RSRC1: variants seen among roughly 807,000 people sequenced by gnomAD.
The protein encoded by RSRC1 is arginine and serine rich coiled-coil 1.
Under a neutral mutation model 49.1 loss-of-function variants are expected in RSRC1, and 39 were observed. That is an observed-to-expected ratio of 0.79 (90% CI 0.61 to 1.04). RSRC1 has a LOEUF of 1.04. RSRC1 is among the 50% of genes least tolerant of loss of function. The probability of loss-of-function intolerance (pLI) is 0.00; values close to 1 mark genes in which losing one functional copy is unlikely to be tolerated. For missense variants in RSRC1, 388 were observed against 402.4 expected (o/e 0.96, Z 0.31); for synonymous variants, 143 against 130.8 (o/e 1.09, Z -0.63).
At chr3:158,114,522 T>C (rs1640069938) in intron 1 of RSRC1, among the ~76,000 whole-genome samples, 1 of 152,188 alleles carries the variant, frequency 6.6e-6, no homozygotes, top group South Asian at 2.1e-4. Flanking sequence ...AGTTTTTTTT[T>C]CTGATTCTGT....
intron 4 of RSRC1, among the ~76,000 whole-genome samples, chr3:158,232,595 G>A (rs189804919): frequency 3.7e-4 from 56 of 152,240 alleles, no homozygotes; most frequent in African/African-American, 1.3e-3. Context: ...CTAGAGATAC[G>A]TAGAAGTGAA....
intron 4 of RSRC1, chr3:158,276,297 G>A: frequency 1.3e-6 from 1 of 762,166 alleles, no homozygotes; most frequent in Non-Finnish European, 2.4e-6. Context: ...AGGCCAGATG[G>A]GGTGGGGAGC....
At chr3:158,211,887 C>T (rs187144391) in intron 4 of RSRC1, among the ~76,000 whole-genome samples, 193 of 151,978 alleles carry the variant, frequency 1.3e-3, no homozygotes, top group African/African-American at 4.5e-3. Flanking sequence ...AGTTTCTCAA[C>T]TATCATTCTT....
At chr3:158,271,395 A>G (rs1725509656) in intron 4 of RSRC1, among the ~76,000 whole-genome samples, 2 of 152,104 alleles carry the variant, frequency 1.3e-5, no homozygotes, top group African/African-American at 4.8e-5. Context: ...GTTCTTATAA[A>G]TTTACACTGA....
chr3:158,452,328 A>G (rs576147547), intron 6 of RSRC1, among the ~76,000 whole-genome samples: 29 of 152,310 alleles, frequency 1.9e-4, no homozygotes, highest in African/African-American at 7.0e-4. Context: ...AAATTATTGG[A>G]AAATAGTACT....
At chr3:158,537,258 A>G in intron 8 of RSRC1, 60 bp downstream of exon 8, 1 of 972,130 alleles carries the variant, frequency 1.0e-6, no homozygotes, top group Non-Finnish European at 1.5e-6. Context: ...GAGATGCTTT[A>G]TTAATGGATT....
chr3:158,147,948 A>G (rs1257727559), intron 3 of RSRC1, among the ~76,000 whole-genome samples: 1 of 152,196 alleles, frequency 6.6e-6, no homozygotes, highest in Non-Finnish European at 1.5e-5. Context: ...TAAAAATGTT[A>G]TAGTTGTGTC....
intron 4 of RSRC1, among the ~76,000 whole-genome samples, chr3:158,270,412 A>C (rs1019792494): frequency 6.6e-6 from 1 of 152,152 alleles, no homozygotes; most frequent in African/African-American, 2.4e-5. Flanking sequence ...ACTGATTCAC[A>C]ATACTAAGCT....
intron 4 of RSRC1, among the ~76,000 whole-genome samples, chr3:158,252,296 G>A (rs992286059): frequency 6.6e-6 from 1 of 151,660 alleles, no homozygotes; most frequent in African/African-American, 2.4e-5. Flanking sequence ...CAAGTAGCTG[G>A]GACTACAGGC....
At chr3:158,262,688 C>T (rs1197319530) in intron 4 of RSRC1, among the ~76,000 whole-genome samples, 1 of 151,968 alleles carries the variant, frequency 6.6e-6, no homozygotes, top group Non-Finnish European at 1.5e-5. Context: ...TCTTTTAGCG[C>T]AGTAACAAGG....
intron 4 of RSRC1, among the ~76,000 whole-genome samples, chr3:158,233,960 C>T (rs1311710539): frequency 6.6e-6 from 1 of 152,100 alleles, no homozygotes; most frequent in East Asian, 1.9e-4. Flanking sequence ...TCTGCAAAGG[C>T]TGAATAAGTG....
chr3:158,158,420 T>G (rs1210985645), intron 3 of RSRC1, among the ~76,000 whole-genome samples: 1 of 152,216 alleles, frequency 6.6e-6, no homozygotes, highest in Non-Finnish European at 1.5e-5. Flanking sequence ...ATATTATAAT[T>G]ATATATTTTT....
chr3:158,138,883 T>C (rs968942881), intron 3 of RSRC1, among the ~76,000 whole-genome samples: 3 of 152,158 alleles, frequency 2.0e-5, no homozygotes, highest in African/African-American at 7.2e-5. Flanking sequence ...TAAACTGTTG[T>C]GTGTTTTATG....
At chr3:158,252,254 C>T (rs912955107) in intron 4 of RSRC1, among the ~76,000 whole-genome samples, 26 of 151,984 alleles carry the variant, frequency 1.7e-4, no homozygotes, top group Middle Eastern at 3.4e-3. Context: ...CTCCACCTCC[C>T]GGGTTCACGC....
At chr3:158,414,219 C>A (rs538588459) in intron 6 of RSRC1, among the ~76,000 whole-genome samples, 1 of 152,180 alleles carries the variant, frequency 6.6e-6, no homozygotes, top group East Asian at 1.9e-4. Flanking sequence ...ACTATGCAGT[C>A]ATAAAAAGGA....
rs118168668 is a variant in RSRC1 at position 158,298,258 on chromosome 3, T to A, written c.531+183T>A. On this transcript the variant is annotated intron_variant, in intron 5 of 9. Transcript: ENST00000611884. ...TTTCTCTTATCATTTCAAGGGAATT[T>A]AAAAATTTTTTAAATTACTTTTTTT... Among the ~76,000 whole-genome samples, 62 of 152,192 alleles carry A rather than the reference T, an allele frequency of 4.1e-4. No homozygotes were observed. In the East Asian group the frequency reaches 0.011, roughly 28 times the overall value.
At chr3:158,387,285 G>A (rs1348407604) in intron 6 of RSRC1, among the ~76,000 whole-genome samples, 1 of 151,968 alleles carries the variant, frequency 6.6e-6, no homozygotes, top group Non-Finnish European at 1.5e-5. Context: ...ATCTCCCTTT[G>A]GGATTTATCT....
rs1725829885 is a variant in RSRC1 at position 158,276,551 on chromosome 3, T to C, written c.495-21488T>C. On this transcript the variant is annotated intron_variant, in intron 4 of 9. Coordinates refer to ENST00000611884, the MANE Select transcript of RSRC1 (RefSeq NM_001271838.2). ...AACTCTCAGTTTGTAAAGAGTTGAA[T>C]TGATGTTGTGGAAGACAAAATTTGT... is the stretch of plus-strand genomic sequence containing the variant. 8.0e-6 allele frequency: 4 copies of C among 502,170 alleles called. No individual in the cohort carries two copies. The Admixed American group carries it at 1.1e-4, about 14-fold the overall frequency. 31.1% of individuals were successfully genotyped at this position (502,170 alleles called of 1,614,324 possible).
chr3:158,125,459 T>C (rs1177480767), intron 3 of RSRC1, among the ~76,000 whole-genome samples: 1 of 152,222 alleles, frequency 6.6e-6, no homozygotes, highest in Admixed American at 6.5e-5. Flanking sequence ...ATTTCTCTTA[T>C]GATTTCTTCT....
Sources: gnomAD v4.1 joint callset for allele counts (sites outside exome capture counted in the v4.1 genomes callset) on GRCh38, gnomAD v4.1.1 for gene constraint, MANE v1.5 for transcripts, NCBI Gene and HGNC (gene_info 2026-07-23, HGNC 2026-07-21) for gene names.